The following AK3 variants were observed in gnomAD, a reference collection of about 807,000 sequenced individuals.
The protein encoded by AK3 is adenylate kinase 3.
AK3 carries 27 observed loss-of-function variants against 23.7 expected under a neutral mutation model. The ratio of observed to expected loss-of-function variants is 1.14; its 90% CI spans 0.84 to 1.57. AK3 has a LOEUF of 1.57. Ranked by LOEUF, AK3 falls within the 40% of genes most tolerant of loss-of-function variation. The pLI is 0.00. For missense variants in AK3, 406 were observed against 285.6 expected (o/e 1.42, Z -3.04); for synonymous variants, 159 against 116.0 (o/e 1.37, Z -2.38).
chr9:4,719,109 G>A lies in AK3; in HGVS notation c.444+26C>T, dbSNP rs1033684887. Reference sequence around the variant, plus strand: ...AGAGGACTCAGGGACAGTCTGCTATGTGACAGTTCCACAACAACTACTCAC... The same window carrying A: ...AGAGGACTCAGGGACAGTCTGCTATATGACAGTTCCACAACAACTACTCAC... On this transcript the variant is annotated intron_variant, in intron 3 of 4. Transcript: ENST00000381809. 3.1e-6 allele frequency: 5 copies of A among 1,611,340 alleles called. No homozygotes were observed. In the African/African-American group the frequency reaches 6.7e-5, roughly 22 times the overall value.
At chr9:4,728,634 T>C (rs536461577) in intron 1 of AK3, among the ~76,000 whole-genome samples, 11 of 152,140 alleles carry the variant, frequency 7.2e-5, no homozygotes, top group Non-Finnish European at 1.2e-4. Flanking sequence ...CCCTCATATA[T>C]TGCTGGTAGC....
intron 1 of AK3, among the ~76,000 whole-genome samples, chr9:4,728,886 C>CATACATACATAT (rs71326126): frequency 0.29 from 41,056 of 140,054 alleles, 7,317 homozygotes; most frequent in Non-Finnish European, 0.37. Flanking sequence ...CACACACATA[C>CATACATACATAT]ATATATATAC....
chr9:4,719,012 A>G, intron 3 of AK3, 123 bp downstream of exon 3: 1 of 1,111,956 alleles, frequency 9.0e-7, no homozygotes, highest in Non-Finnish European at 1.3e-6. Context: ...CTACCAAGTA[A>G]CCTGAGAATA....
At chr9:4,713,391 T>C (rs1414572908) in intron 4 of AK3, among the ~76,000 whole-genome samples, 1 of 152,228 alleles carries the variant, frequency 6.6e-6, no homozygotes, top group Non-Finnish European at 1.5e-5. Flanking sequence ...GCTTTACATA[T>C]TATAGTTTGT....
chr9:4,718,562 T>TA (rs772482535), intron 3 of AK3, 25 bp from the exon 4 acceptor site: 1 of 1,447,224 alleles, frequency 6.9e-7, no homozygotes, highest in South Asian at 1.2e-5. Context: ...AAGAGACTAG[T>TA]ATCAGATATC....
At chr9:4,727,755 G>T (rs1163443960) in intron 1 of AK3, among the ~76,000 whole-genome samples, 1 of 152,164 alleles carries the variant, frequency 6.6e-6, no homozygotes, top group Admixed American at 6.6e-5. Flanking sequence ...CCTGGTTTCA[G>T]CCTGTCTTGG....
At chr9:4,734,327 C>A (rs929945154) in intron 1 of AK3, among the ~76,000 whole-genome samples, 2 of 47,250 alleles carry the variant, frequency 4.2e-5, no homozygotes, top group African/African-American at 5.9e-5. Context: ...AATAAGCCCC[C>A]TAGTGTGTGG....
chr9:4,728,973 ACC>A (rs1386078158), intron 1 of AK3, among the ~76,000 whole-genome samples: 4 of 126,720 alleles, frequency 3.2e-5, no homozygotes, highest in Non-Finnish European at 6.9e-5. Flanking sequence ...ACATATATAT[ACC>A]TACATATATA....
intron 1 of AK3, among the ~76,000 whole-genome samples, chr9:4,723,604 C>G (rs1366878822): frequency 6.6e-6 from 1 of 152,148 alleles, no homozygotes; most frequent in Non-Finnish European, 1.5e-5. Flanking sequence ...ACCGTAATTC[C>G]ATCATAATCT....
At chr9:4,718,297 T>G in intron 4 of AK3, 122 bp downstream of exon 4, 1 of 724,616 alleles carries the variant, frequency 1.4e-6, no homozygotes, top group Non-Finnish European at 2.4e-6. Context: ...TTTCCTTTAT[T>G]ACTTAAGCCC....
At chr9:4,716,077 C>T (rs978944538) in intron 4 of AK3, among the ~76,000 whole-genome samples, 2 of 152,144 alleles carry the variant, frequency 1.3e-5, no homozygotes, top group African/African-American at 2.4e-5. Flanking sequence ...GACAATGGAG[C>T]GGAGTGACTG....
chr9:4,718,605 A>T lies in AK3; in HGVS notation c.445-68T>A, dbSNP rs946955968. On this transcript the variant is annotated intron_variant, in intron 3 of 4. Coordinates refer to ENST00000381809, the MANE Select transcript of AK3 (RefSeq NM_016282.4). ...TGAAAGATATTTTCATAAGCAGTTC[A>T]ATTATTTTTAAACAGACATCTCTGT... 7 of 1,251,082 alleles carry T rather than the reference A, an allele frequency of 5.6e-6. No homozygotes were observed. In the Admixed American group the frequency reaches 7.6e-5, roughly 14 times the overall value. 77.5% of individuals were successfully genotyped at this position (1,251,082 alleles called of 1,614,324 possible).
intron 2 of AK3, among the ~76,000 whole-genome samples, chr9:4,719,897 C>G (rs1365472814): frequency 2.0e-5 from 3 of 152,118 alleles, no homozygotes; most frequent in Non-Finnish European, 2.9e-5. Context: ...GAAATCCCAT[C>G]TCTACAAAAA....
chr9:4,719,326 A>G lies in AK3; in HGVS notation c.272-19T>C. 6.4e-7 allele frequency: 1 copy of G among 1,566,188 alleles called. No homozygotes were observed. Among genetic ancestry groups the G allele is most frequent in the African/African-American group, 1.4e-5 (1 of 72,082 alleles). On this transcript the variant is annotated intron_variant, in intron 2 of 4. Coordinates refer to ENST00000381809, the MANE Select transcript of AK3 (RefSeq NM_016282.4). ...GGAAAACCTTTATAAAGTAAAAAAG[A>G]AAAAGAAGAAGAAAAAAGAAAGGAA...
intron 1 of AK3, among the ~76,000 whole-genome samples, chr9:4,733,438 A>T (rs928783647): frequency 5.3e-5 from 8 of 152,304 alleles, no homozygotes; most frequent in Middle Eastern, 3.4e-3. Flanking sequence ...GGGCCCCCAA[A>T]GTCCTTGTTT....
rs1418456624 is a variant in AK3 at position 4,714,167 on chromosome 9, TCC to T, written c.564-1073_564-1072del. ...ATACACACCTCCACATACACACACC[TCC>T]ACACATACGCCTCCACATACACACA... is the stretch of plus-strand genomic sequence containing the variant. On this transcript the variant is annotated intron_variant, in intron 4 of 4. Coordinates refer to ENST00000381809, the MANE Select transcript of AK3 (RefSeq NM_016282.4). Among the ~76,000 whole-genome samples the T allele has an allele frequency of 3.2e-3, 80 of 24,888 alleles. 2 individuals carry two copies. The highest frequency in any genetic ancestry group is 8.1e-3 in the African/African-American group (67 of 8,286). The allele number at this position is 24,888 out of a possible 152,430, so 16.3% of individuals were successfully genotyped here. A position where few individuals can be genotyped will look rare whatever the true frequency, so the allele number is the denominator to read the frequency against.
chr9:4,741,169 G>C lies in AK3; in HGVS notation c.-82C>G, dbSNP rs1370632245. On this transcript the variant is annotated 5_prime_UTR_variant, in exon 1 of 5. Transcript: ENST00000381809. ...GCTCACCCGCTCGGCAGCCTGCGCCGGCCGGCTAGCAGCGCCACTAGCAGG... is the reference window on the plus strand; with the variant it reads ...GCTCACCCGCTCGGCAGCCTGCGCCCGCCGGCTAGCAGCGCCACTAGCAGG... 2.3e-6 allele frequency: 3 copies of C among 1,310,324 alleles called. No homozygotes were observed. The highest frequency in any genetic ancestry group is 1.6e-5 in the African/African-American group (1 of 64,204). 81.2% of individuals were successfully genotyped at this position (1,310,324 alleles called of 1,614,324 possible).
intron 1 of AK3, 36 bp from the exon 2 acceptor site, chr9:4,722,661 T>G (rs768117144): frequency 6.2e-7 from 1 of 1,613,908 alleles, no homozygotes; most frequent in Non-Finnish European, 8.5e-7. Flanking sequence ...AGTAAGTGCA[T>G]TTGTTTTATC....
At chr9:4,717,300 G>A (rs911788030) in intron 4 of AK3, among the ~76,000 whole-genome samples, 1 of 152,188 alleles carries the variant, frequency 6.6e-6, no homozygotes, top group Non-Finnish European at 1.5e-5. Flanking sequence ...AAGCAGGAAG[G>A]CTCAGTAAGA....
Sources: allele counts gnomAD v4.1 joint callset (sites outside exome capture counted in the v4.1 genomes callset), GRCh38; gene constraint gnomAD v4.1.1; transcripts MANE v1.5; gene names NCBI Gene and HGNC (gene_info 2026-07-23, HGNC 2026-07-21).